STK40: variants seen among roughly 807,000 people sequenced by gnomAD.
STK40 encodes serine/threonine-protein kinase 40.
Under a neutral mutation model 47.9 loss-of-function variants are expected in STK40, and 13 were observed. That is an observed-to-expected ratio of 0.27 (90% CI 0.18 to 0.43). The LOEUF (loss-of-function observed/expected upper bound fraction) is 0.43. STK40 is among the 20% of genes least tolerant of loss of function. The pLI is 1.00. For missense variants in STK40, 460 were observed against 595.1 expected (o/e 0.77, Z 2.36); for synonymous variants, 225 against 243.2 (o/e 0.93, Z 0.69).
Position 36,358,698 on chromosome 1 carries a change from C to T in STK40, c.198+39G>A, listed in dbSNP as rs778781111. 8.6e-5 allele frequency: 139 copies of T among 1,607,156 alleles called. 1 individual carries two copies. Among genetic ancestry groups the T allele is most frequent in the Non-Finnish European group, 7.7e-6 (9 of 1,174,288 alleles). On this transcript the variant is annotated intron_variant, in intron 3 of 10. Coordinates refer to ENST00000373132, the MANE Select transcript of STK40 (RefSeq NM_001282547.2). ...GGAGGAGTGGGTTGGCATGACAGGC[C>T]CTGTTCCTGAGGCACCCTCACCCCC... is the stretch of plus-strand genomic sequence containing the variant.
At chr1:36,342,062 G>T in intron 10 of STK40, 89 bp from the exon 11 acceptor site, 1 of 1,261,814 alleles carries the variant, frequency 7.9e-7, no homozygotes, top group Non-Finnish European at 1.1e-6. Flanking sequence ...AGTGCTGGCA[G>T]CCTGGCTCCT....
At chr1:36,371,474 A>AGCTTGCAGTGGGCCGAGGCTCC (rs1387381000) in intron 1 of STK40, among the ~76,000 whole-genome samples, 1 of 151,676 alleles carries the variant, frequency 6.6e-6, no homozygotes, top group Non-Finnish European at 1.5e-5. Flanking sequence ...GAATGGCGTG[A>AGCTTGCAGTGGGCCGAGGCTCC]ACCCAGGAGG....
Position 36,341,401 on chromosome 1 carries a change from T to C in STK40, c.*354A>G, listed in dbSNP as rs1291402354. On this transcript the variant is annotated 3_prime_UTR_variant, in exon 11 of 11. Coordinates refer to ENST00000373132, the MANE Select transcript of STK40 (RefSeq NM_001282547.2). ...GTGGGGAGCAGCGCCCCAGGTCAGT[T>C]GGTGGCCGCTGGGGAAGGCCCTGGA... 5 of 233,960 alleles carry C rather than the reference T, an allele frequency of 2.1e-5. No homozygotes were observed. In the East Asian group the frequency reaches 5.7e-4, roughly 27 times the overall value. The allele number at this position is 233,960 out of a possible 1,614,324, so 14.5% of individuals were successfully genotyped here.
chr1:36,373,965 C>G (rs1379742412), intron 1 of STK40, among the ~76,000 whole-genome samples: 1 of 152,228 alleles, frequency 6.6e-6, no homozygotes, highest in Non-Finnish European at 1.5e-5. Flanking sequence ...GGAAGTGACT[C>G]AGCCCAGTGG....
intron 8 of STK40, 31 bp downstream of exon 8, chr1:36,344,089 C>A: frequency 6.4e-7 from 1 of 1,568,478 alleles, no homozygotes; most frequent in South Asian, 1.1e-5. Flanking sequence ...AGGCTGGCTG[C>A]CCCCCCCACC....
intron 1 of STK40, among the ~76,000 whole-genome samples, chr1:36,364,012 G>A (rs897825548): frequency 2.7e-5 from 4 of 147,262 alleles, no homozygotes; most frequent in Non-Finnish European, 6.0e-5. Context: ...TTAGCCGGGT[G>A]TGGTGGTGGG....
At chr1:36,352,570 C>T (rs1646768933) in intron 6 of STK40, among the ~76,000 whole-genome samples, 1 of 152,206 alleles carries the variant, frequency 6.6e-6, no homozygotes, top group East Asian at 1.9e-4. Context: ...TTCCGTCCTC[C>T]TCAACTCACT....
intron 6 of STK40, among the ~76,000 whole-genome samples, 179 bp downstream of exon 6, chr1:36,354,185 A>G (rs573498592): frequency 1.3e-5 from 2 of 152,224 alleles, no homozygotes; most frequent in African/African-American, 4.8e-5. Context: ...CAAAACTCCC[A>G]GTCTCAGCAA....
intron 1 of STK40, among the ~76,000 whole-genome samples, chr1:36,385,093 T>C (rs968645091): frequency 6.6e-6 from 1 of 152,188 alleles, no homozygotes; most frequent in Non-Finnish European, 1.5e-5. Flanking sequence ...CCTACCTAAC[T>C]GGCTGGAAGG....
At chr1:36,383,109 C>A (rs368136391) in intron 1 of STK40, among the ~76,000 whole-genome samples, 2 of 152,266 alleles carry the variant, frequency 1.3e-5, no homozygotes, top group South Asian at 2.1e-4. Context: ...CCACCACGTC[C>A]GGCTAATTTT....
intron 6 of STK40, among the ~76,000 whole-genome samples, chr1:36,349,414 C>G (rs754334880): frequency 2.0e-5 from 3 of 152,192 alleles, no homozygotes; most frequent in Non-Finnish European, 4.4e-5. Context: ...ACAACAAAGG[C>G]ACAGGGAAGT....
chr1:36,341,777 G>C lies in STK40; in HGVS notation c.1286C>G (p.Ala429Gly). The C allele has an allele frequency of 6.2e-7, 1 of 1,611,930 alleles. No homozygotes were observed. Among genetic ancestry groups the C allele is most frequent in the South Asian group, 1.1e-5 (1 of 90,966 alleles). Reference protein sequence around the residue: ...PMTSLDTAILAQRYLRK With the variant: ...PMTSLDTAILGQRYLRK ...CTGTTATTTCCGCAGGTAGCGCTGCGCCAGGATGGCCGTGTCCAAGGAGGT... is the reference window on the plus strand; with the variant it reads ...CTGTTATTTCCGCAGGTAGCGCTGCCCCAGGATGGCCGTGTCCAAGGAGGT... Residue 429 changes from alanine to glycine, a missense_variant, in exon 11 of 11, where the codon GCG (alanine) becomes GGG (glycine). Around this residue, in one of 3 missense-constraint regions of STK40, gnomAD observed 181 missense variants for 218.9 expected, o/e 0.83. Coordinates refer to ENST00000373132, the MANE Select transcript of STK40 (RefSeq NM_001282547.2).
intron 6 of STK40, among the ~76,000 whole-genome samples, chr1:36,352,402 T>C (rs1646766670): frequency 6.6e-6 from 1 of 152,196 alleles, no homozygotes; most frequent in East Asian, 1.9e-4. Flanking sequence ...GACCTTCACT[T>C]TCACAGATGA....
At chr1:36,375,009 C>T (rs187900911) in intron 1 of STK40, among the ~76,000 whole-genome samples, 94 of 152,284 alleles carry the variant, frequency 6.2e-4, no homozygotes, top group African/African-American at 2.2e-3. Context: ...CCAAATCAGG[C>T]AAGGAGAAAG....
chr1:36,366,674 G>A (rs1308651545), intron 1 of STK40, among the ~76,000 whole-genome samples: 3 of 152,050 alleles, frequency 2.0e-5, no homozygotes, highest in African/African-American at 7.2e-5. Context: ...TGATGCCCCA[G>A]CTACTCTGGT....
At chr1:36,350,495 G>A (rs72663457) in intron 6 of STK40, among the ~76,000 whole-genome samples, 15,033 of 152,256 alleles carry the variant, frequency 0.099, 885 homozygotes, top group Middle Eastern at 0.26. Context: ...TCCTGGCTCT[G>A]CCACTTCCTT....
intron 7 of STK40, among the ~76,000 whole-genome samples, chr1:36,344,760 G>A (rs1031811507): frequency 3.3e-5 from 5 of 152,154 alleles, no homozygotes; most frequent in African/African-American, 4.8e-5. Flanking sequence ...GCCTCCCTGC[G>A]GTGTTCACTG....
chr1:36,372,826 G>C (rs1646961268), intron 1 of STK40: 1 of 152,212 alleles, frequency 6.6e-6, no homozygotes, highest in African/African-American at 2.4e-5. Flanking sequence ...CCCTCCACCA[G>C]CCAACAGGCA....
At chr1:36,355,459 G>C in intron 4 of STK40, 26 bp from the exon 5 acceptor site, 1 of 1,612,488 alleles carries the variant, frequency 6.2e-7, no homozygotes, top group Non-Finnish European at 8.5e-7. Flanking sequence ...GTAGCGCAGG[G>C]CTTGGCTGTG....
Sources: allele counts gnomAD v4.1 joint callset (sites outside exome capture counted in the v4.1 genomes callset), GRCh38; gene constraint gnomAD v4.1.1; regional missense constraint gnomAD v4.1.1; transcripts MANE v1.5; gene names NCBI Gene and HGNC (gene_info 2026-07-23, HGNC 2026-07-21).